Variants in GPR83 observed in about 807,000 individuals in gnomAD.
The protein encoded by GPR83 is G-protein coupled receptor 72.
A neutral mutation model predicts 28.0 loss-of-function variants in GPR83; 23 were observed. That is an observed-to-expected ratio of 0.82 (90% CI 0.59 to 1.16). GPR83 has a LOEUF of 1.16. Among genes scored for constraint, GPR83 ranks in the 50% most tolerant of loss-of-function variants. The probability of loss-of-function intolerance (pLI) is 0.00; values close to 1 mark genes in which losing one functional copy is unlikely to be tolerated. For synonymous variants in GPR83, 234 were observed against 215.4 expected (o/e 1.09, Z -0.76); for missense variants, 610 against 536.6 (o/e 1.14, Z -1.35).
chr11:94,392,304 C>T (rs1169996749), intron 3 of GPR83, among the ~76,000 whole-genome samples: 1 of 151,870 alleles, frequency 6.6e-6, no homozygotes, highest in East Asian at 1.9e-4. Flanking sequence ...AGGGAAACAT[C>T]ACACACTGGG....
intron 3 of GPR83, among the ~76,000 whole-genome samples, chr11:94,387,859 G>A (rs988055103): frequency 6.6e-6 from 1 of 152,130 alleles, no homozygotes; most frequent in African/African-American, 2.4e-5. Context: ...ACCAAAGCCT[G>A]GCAGAGACAC....
intron 1 of GPR83, among the ~76,000 whole-genome samples, chr11:94,398,185 G>C (rs140906925): frequency 1.1e-3 from 166 of 152,234 alleles, no homozygotes; most frequent in African/African-American, 3.8e-3. Flanking sequence ...TTGTCACCTT[G>C]GAATTCAGCC....
chr11:94,401,062 G>A lies in GPR83; in HGVS notation c.186C>T (p.Gly62=), dbSNP rs756181489. 5.6e-6 allele frequency: 9 copies of A among 1,614,178 alleles called. No homozygotes were observed. The highest frequency in any genetic ancestry group is 5.9e-6 in the Non-Finnish European group (7 of 1,179,966). Residue 62 remains glycine (G), a synonymous_variant, in exon 1 of 4, where the codon GGC becomes GGT. Coordinates refer to ENST00000243673, the MANE Select transcript of GPR83 (RefSeq NM_016540.4). The stretch of plus-strand genomic sequence containing the variant: ...TCACCGTGGGGTTCTGGGACTCAGC[G>A]CCGTAGCGCCTCCTGCCCACAAAGT... ...WQNFVGRRRY[G]AESQNPTVKA...
At chr11:94,394,646 C>T (rs1444207192) in intron 2 of GPR83, among the ~76,000 whole-genome samples, 1 of 151,990 alleles carries the variant, frequency 6.6e-6, no homozygotes, top group Non-Finnish European at 1.5e-5. Flanking sequence ...TAATTCCTCC[C>T]AATGTTTTCA....
chr11:94,381,700 T>C (rs1944691848), intron 3 of GPR83, among the ~76,000 whole-genome samples: 1 of 152,010 alleles, frequency 6.6e-6, no homozygotes, highest in Admixed American at 6.6e-5. Context: ...TCTAGGTGCC[T>C]AGGACTCCCC....
In GPR83 at chr11:94,380,818, G is replaced by A. The variant is rs752738534; in HGVS notation, c.648-45C>T. 3.9e-6 allele frequency: 6 copies of A among 1,536,704 alleles called. No homozygotes were observed. The East Asian group carries it at 1.1e-4, about 29-fold the overall frequency. On this transcript the variant is annotated intron_variant, in intron 3 of 3. Coordinates refer to ENST00000243673, the MANE Select transcript of GPR83 (RefSeq NM_016540.4). ...AGGGGGAGAGAGGTAACAGAAAGGA[G>A]ATATTAGTGTGGAAAGGCTTCATCC...
Position 94,377,636 on chromosome 11 carries a change from A to G in GPR83, c.*2513T>C, listed in dbSNP as rs929195479. 6 of 152,254 alleles carry G rather than the reference A, an allele frequency of 3.9e-5. No homozygotes were observed. Among genetic ancestry groups the G allele is most frequent in the Admixed American group, 1.3e-4 (2 of 15,284 alleles). 9.4% of individuals were successfully genotyped at this position (152,254 alleles called of 1,614,324 possible). A position where few individuals can be genotyped will look rare whatever the true frequency, so the allele number is the denominator to read the frequency against. ...TAGAAACCATACTTCGCATATCCAT[A>G]CAACCATTCTGGTTTTCACCTTCAG... On this transcript the variant is annotated 3_prime_UTR_variant, in exon 4 of 4. Coordinates refer to ENST00000243673, the MANE Select transcript of GPR83 (RefSeq NM_016540.4).
intron 3 of GPR83, among the ~76,000 whole-genome samples, chr11:94,391,500 C>T (rs1944816536): frequency 6.6e-6 from 1 of 152,162 alleles, no homozygotes; most frequent in Non-Finnish European, 1.5e-5. Flanking sequence ...AGCTTCTACA[C>T]AGCACAAGAA....
At chr11:94,389,818 G>C (rs113303908) in intron 3 of GPR83, among the ~76,000 whole-genome samples, 160 of 152,282 alleles carry the variant, frequency 1.1e-3, no homozygotes, top group African/African-American at 3.6e-3. Flanking sequence ...TCCCATTACT[G>C]GGTATATACC....
At chr11:94,389,333 T>G (rs1204728899) in intron 3 of GPR83, among the ~76,000 whole-genome samples, 3 of 152,178 alleles carry the variant, frequency 2.0e-5, no homozygotes, top group Admixed American at 6.5e-5. Flanking sequence ...TGGGATCTAA[T>G]TAAACTAAAG....
Position 94,401,162 on chromosome 11 carries a change from G to A in GPR83, c.86C>T (p.Ala29Val), listed in dbSNP as rs1228663221. The A allele has an allele frequency of 6.2e-7, 1 of 1,614,098 alleles. No homozygotes were observed. The highest frequency in any genetic ancestry group is 1.7e-5 in the Admixed American group (1 of 60,030). The change falls in exon 1 of 4, where the codon GCG becomes GTG. Residue 29 changes from alanine to valine, a missense_variant. Physicochemically the swap from Ala to Val is moderately conservative, Grantham distance 64. Transcript: ENST00000243673. ...PHEGRADEQS[A>V]EAALAVPNAS... ...ATTGGGCACGGCCAGGGCCGCCTCC[G>A]CGCTCTGCTCGTCGGCCCGGCCCTC...
Position 94,378,384 on chromosome 11 carries a change from G to T in GPR83, c.*1765C>A, listed in dbSNP as rs371562432. 4 of 152,200 alleles carry T rather than the reference G, an allele frequency of 2.6e-5. No homozygotes were observed. Among genetic ancestry groups the T allele is most frequent in the African/African-American group, 9.7e-5 (4 of 41,434 alleles). The allele number at this position is 152,200 out of a possible 1,614,324, so 9.4% of individuals were successfully genotyped here. A position where few individuals can be genotyped will look rare whatever the true frequency, so the allele number is the denominator to read the frequency against. ...GCTTTGATTTCAGAGTTTATCTGGT[G>T]CTAGAAGAAAACCTAAAAGCAGTGT... is the stretch of plus-strand genomic sequence containing the variant. On this transcript the variant is annotated 3_prime_UTR_variant, in exon 4 of 4. Transcript: ENST00000243673.
chr11:94,396,552 G>A (rs1479959908), intron 1 of GPR83, 28 bp from the exon 2 acceptor site: 3 of 1,608,330 alleles, frequency 1.9e-6, no homozygotes, highest in Non-Finnish European at 2.6e-6. Context: ...GATGTTAGGA[G>A]ACAGACAGGC....
rs1286197347 is a variant in GPR83 at position 94,377,711 on chromosome 11, AG to A, written c.*2437del. 2 of 152,230 alleles carry A rather than the reference AG, an allele frequency of 1.3e-5. No homozygotes were observed. Among genetic ancestry groups the A allele is most frequent in the Non-Finnish European group, 2.9e-5 (2 of 68,034 alleles). The allele number at this position is 152,230 out of a possible 1,614,324, so 9.4% of individuals were successfully genotyped here. On this transcript the variant is annotated 3_prime_UTR_variant, in exon 4 of 4. Transcript: ENST00000243673. Reference sequence around the variant, plus strand: ...GATATTCCATACTTCATTAGAAGATAGGCTTTGTGTTAAATGATTTTTCCCA... The same window carrying A: ...GATATTCCATACTTCATTAGAAGATAGCTTTGTGTTAAATGATTTTTCCCA...
chr11:94,382,752 A>G (rs11020759), intron 3 of GPR83, among the ~76,000 whole-genome samples: 387 of 152,284 alleles, frequency 2.5e-3, no homozygotes, highest in African/African-American at 8.1e-3. Flanking sequence ...ACCTCATCAC[A>G]CTTATTCTAA....
Position 94,384,457 on chromosome 11 carries a change from C to T in GPR83, c.648-3684G>A, listed in dbSNP as rs182298163. Among the ~76,000 whole-genome samples the T allele has an allele frequency of 3.3e-5, 5 of 152,266 alleles. No homozygotes were observed. The East Asian group carries it at 5.8e-4, about 18-fold the overall frequency. ...ATTTCTGCATTTCCAAGAGAGGTAC[C>T]GGGTTCATCTCACTGGGGATTGTCG... On this transcript the variant is annotated intron_variant, in intron 3 of 3. Transcript: ENST00000243673.
At chr11:94,396,192 C>A (rs1382414569) in intron 2 of GPR83, among the ~76,000 whole-genome samples, 2 of 152,310 alleles carry the variant, frequency 1.3e-5, no homozygotes, top group East Asian at 3.9e-4. Context: ...TGCACTCCAG[C>A]CTGAGCAACA....
At chr11:94,387,251 C>T (rs1049021202) in intron 3 of GPR83, among the ~76,000 whole-genome samples, 17 of 152,168 alleles carry the variant, frequency 1.1e-4, no homozygotes, top group Admixed American at 3.3e-4. Context: ...GACACCCTAA[C>T]ATCACAATTA....
intron 3 of GPR83, among the ~76,000 whole-genome samples, chr11:94,384,910 C>G (rs1944733793): frequency 6.6e-6 from 1 of 152,212 alleles, no homozygotes; most frequent in Non-Finnish European, 1.5e-5. Context: ...TCAAGTGGGT[C>G]CTTGACCCCC....
Sources: allele counts gnomAD v4.1 joint callset (sites outside exome capture counted in the v4.1 genomes callset), GRCh38; gene constraint gnomAD v4.1.1; transcripts MANE v1.5; gene names NCBI Gene and HGNC (gene_info 2026-07-23, HGNC 2026-07-21).